Variants in PLPPR1 observed in about 807,000 individuals in gnomAD.
PLPPR1 encodes phospholipid phosphatase related 1, also known as phospholipid phosphatase-related protein type 1.
Under a neutral mutation model 33.1 loss-of-function variants are expected in PLPPR1, and 10 were observed. That is an observed-to-expected ratio of 0.30 (90% CI 0.19 to 0.51). The LOEUF (loss-of-function observed/expected upper bound fraction) is 0.51, where lower values mean the gene tolerates loss of function less well. Ranked by LOEUF, PLPPR1 falls within the 20% of genes least tolerant of loss-of-function variation. The pLI is 0.97. For missense variants in PLPPR1, 304 were observed against 408.1 expected (o/e 0.74, Z 2.20); for synonymous variants, 151 against 151.0 (o/e 1.00, Z 0.00).
chr9:101,201,376 C>T (rs1463697200), intron 2 of PLPPR1, among the ~76,000 whole-genome samples: 1 of 152,142 alleles, frequency 6.6e-6, no homozygotes, highest in East Asian at 1.9e-4. Flanking sequence ...GCTGATATTT[C>T]CTCAGACTCT....
At chr9:101,043,583 C>T (rs534963763) in intron 1 of PLPPR1, among the ~76,000 whole-genome samples, 19 of 151,972 alleles carry the variant, frequency 1.3e-4, no homozygotes, top group Middle Eastern at 3.4e-3. Context: ...TTTGCAATTG[C>T]GAATTTCGCT....
intron 2 of PLPPR1, among the ~76,000 whole-genome samples, chr9:101,253,433 G>T (rs575051283): frequency 1.6e-4 from 25 of 152,104 alleles, no homozygotes; most frequent in African/African-American, 6.0e-4. Flanking sequence ...TGTAATTACA[G>T]CTACTTGGGA....
intron 2 of PLPPR1, among the ~76,000 whole-genome samples, chr9:101,210,077 CA>C (rs1826661958): frequency 6.6e-6 from 1 of 152,290 alleles, no homozygotes; most frequent in South Asian, 2.1e-4. Context: ...ATGTTACATA[CA>C]TTTTTTTATG....
intron 2 of PLPPR1, among the ~76,000 whole-genome samples, chr9:101,243,307 G>A (rs1478865266): frequency 6.6e-6 from 1 of 151,960 alleles, no homozygotes; most frequent in Admixed American, 6.6e-5. Context: ...ATATATTAGT[G>A]GAAGTGAAGC....
At chr9:101,180,094 TTATATA>T (rs71507977) in intron 1 of PLPPR1, among the ~76,000 whole-genome samples, 843 of 61,592 alleles carry the variant, frequency 0.014, 11 homozygotes, top group East Asian at 0.04. Flanking sequence ...AAACTCTCCT[TTATATA>T]TATATATATA....
At chr9:101,313,524 T>C (rs1439216516) in intron 6 of PLPPR1, among the ~76,000 whole-genome samples, 3 of 152,198 alleles carry the variant, frequency 2.0e-5, no homozygotes, top group Non-Finnish European at 4.4e-5. Flanking sequence ...GGAACATGCC[T>C]CTTGGGAATC....
intron 7 of PLPPR1, among the ~76,000 whole-genome samples, chr9:101,323,469 C>CAAAAAAAAAA (rs11339430): frequency 5.2e-4 from 49 of 93,768 alleles, no homozygotes; most frequent in Non-Finnish European, 8.1e-4. Flanking sequence ...AACCCTGTCT[C>CAAAAAAAAAA]AAAAAAAAAA....
rs1826975570 is a variant in PLPPR1 at position 101,222,910 on chromosome 9, C to T, written c.63+37353C>T. 3.3e-5 allele frequency among the ~76,000 whole-genome samples: 5 copies of T among 150,972 alleles called. No individual in the cohort carries two copies. The South Asian group carries it at 1.0e-3, about 32-fold the overall frequency. ...ATAATGATACATTCTAAGTAAAGCACCAGGACTTTAAGTGTTTTGGTTGTC... is the reference window on the plus strand; with the variant it reads ...ATAATGATACATTCTAAGTAAAGCATCAGGACTTTAAGTGTTTTGGTTGTC... On this transcript the variant is annotated intron_variant, in intron 2 of 7. Transcript: ENST00000374874.
At chr9:101,109,565 C>G (rs1564147164) in intron 1 of PLPPR1, among the ~76,000 whole-genome samples, 2 of 152,276 alleles carry the variant, frequency 1.3e-5, no homozygotes, top group South Asian at 2.1e-4. Flanking sequence ...AATGTACTCA[C>G]TGAGTGAATT....
intron 2 of PLPPR1, among the ~76,000 whole-genome samples, chr9:101,227,498 G>GT (rs1298344540): frequency 1.8e-4 from 28 of 151,430 alleles, no homozygotes; most frequent in African/African-American, 6.4e-4. Context: ...TTTTTAATGG[G>GT]GTTTTTTTCT....
At chr9:101,078,105 A>AAGG (rs1491245491) in intron 1 of PLPPR1, among the ~76,000 whole-genome samples, 271 of 2,420 alleles carry the variant, frequency 0.11, 65 homozygotes, top group Admixed American at 0.18. Flanking sequence ...GGAGAAGGAG[A>AAGG]AGAAGAAGAA....
chr9:101,297,346 G>A (rs75068218), intron 4 of PLPPR1, among the ~76,000 whole-genome samples: 5 of 152,136 alleles, frequency 3.3e-5, no homozygotes, highest in Non-Finnish European at 4.4e-5. Context: ...GTCTCCTCTC[G>A]TCTGTGTGGC....
chr9:101,100,755 T>A (rs1459138960), intron 1 of PLPPR1, among the ~76,000 whole-genome samples: 1 of 151,626 alleles, frequency 6.6e-6, no homozygotes, highest in Non-Finnish European at 1.5e-5. Flanking sequence ...TTCATATTTA[T>A]CAAGCAGTTA....
chr9:101,052,832 A>G (rs948515422), intron 1 of PLPPR1, among the ~76,000 whole-genome samples: 3 of 152,172 alleles, frequency 2.0e-5, no homozygotes, highest in African/African-American at 7.2e-5. Context: ...AATCTTCCAC[A>G]TAGGGTGGGC....
intron 5 of PLPPR1, among the ~76,000 whole-genome samples, chr9:101,311,231 TATC>T (rs1165213172): frequency 9.2e-5 from 14 of 152,288 alleles, no homozygotes; most frequent in East Asian, 3.9e-4. Flanking sequence ...AAGAAGTAAA[TATC>T]ATCAGCTCAC....
At chr9:101,306,393 G>C (rs1790957879) in intron 4 of PLPPR1, among the ~76,000 whole-genome samples, 1 of 152,216 alleles carries the variant, frequency 6.6e-6, no homozygotes, top group Admixed American at 6.5e-5. Flanking sequence ...AGCTCCTCCT[G>C]TGACACCCAC....
chr9:101,107,919 C>A (rs1235226991), intron 1 of PLPPR1, among the ~76,000 whole-genome samples: 3 of 151,038 alleles, frequency 2.0e-5, no homozygotes, highest in East Asian at 3.9e-4. Context: ...TTTCCAGGTG[C>A]GTTCGTCACC....
At chr9:101,268,093 G>A (rs12338296) in intron 2 of PLPPR1, among the ~76,000 whole-genome samples, 228 of 152,074 alleles carry the variant, frequency 1.5e-3, no homozygotes, top group African/African-American at 5.4e-3. Context: ...ATCACACACC[G>A]GGGCCTGTTG....
intron 1 of PLPPR1, among the ~76,000 whole-genome samples, chr9:101,179,270 T>C (rs1024163038): frequency 7.2e-5 from 11 of 151,996 alleles, no homozygotes; most frequent in African/African-American, 2.2e-4. Context: ...GGAATGAAGG[T>C]TTGGGTCACA....
Sources: allele counts gnomAD v4.1 joint callset (sites outside exome capture counted in the v4.1 genomes callset), GRCh38; gene constraint gnomAD v4.1.1; transcripts MANE v1.5; gene names NCBI Gene and HGNC (gene_info 2026-07-23, HGNC 2026-07-21).